The following FRMD1 variants were observed in gnomAD, a reference collection of about 807,000 sequenced individuals.
FRMD1 encodes the protein FERM domain-containing protein 1.
A neutral mutation model predicts 54.9 loss-of-function variants in FRMD1; 51 were observed. That is an observed-to-expected ratio of 0.93 (90% CI 0.74 to 1.17). The LOEUF (loss-of-function observed/expected upper bound fraction) is 1.17. Among genes scored for constraint, FRMD1 ranks in the 50% most tolerant of loss-of-function variants. The pLI is 0.00. For synonymous variants in FRMD1, 324 were observed against 306.4 expected, an observed-to-expected ratio of 1.06 and a Z score of -0.60; for missense variants, 729 against 743.0, an observed-to-expected ratio of 0.98 and a Z score of 0.22.
rs757340818 is a variant in FRMD1 at position 168,059,157 on chromosome 6, C to T, written c.1374G>A (p.Arg458=). 29 of 1,587,102 alleles carry T rather than the reference C, an allele frequency of 1.8e-5. 2 individuals are homozygous for T. In the South Asian group the frequency reaches 3.2e-4, roughly 18 times the overall value. ...CGGCCTCGGCGCTCTGGCCTCTGGT[C>T]CTGACCTGGGTGCAGGGCTCCTGAC... ...ATRQEPCTQV[R]TRGQSAEAVH... The change falls in exon 10 of 11, where the codon AGG becomes AGA. Residue 458 remains arginine (R), a synonymous_variant. Transcript: ENST00000283309. The surrounding 1 kb of genome is among the most constrained non-coding windows in gnomAD (Gnocchi z 4.4).
rs6922904 is a variant in FRMD1 at position 168,054,424 on chromosome 6, T to G, written c.*2673A>C. 0.88 allele frequency: 133,095 copies of G among 151,938 alleles called. 58,341 individuals are homozygous for G. The highest frequency in any genetic ancestry group is 0.9 in the Non-Finnish European group (61,635 of 68,106). The allele number at this position is 151,938 out of a possible 1,614,324, so 9.4% of individuals were successfully genotyped here. A position where few individuals can be genotyped will look rare whatever the true frequency, so the allele number is the denominator to read the frequency against. On this transcript the variant is annotated 3_prime_UTR_variant, in exon 11 of 11. Transcript: ENST00000283309. ...GGTCCACAGGGACTGGGACAGGTGGTTTTCTTTTCCTCTCCACTGACAGGG... is the reference window on the plus strand; with the variant it reads ...GGTCCACAGGGACTGGGACAGGTGGGTTTCTTTTCCTCTCCACTGACAGGG...
At chr6:168,063,102 C>T in intron 6 of FRMD1, 143 bp from the exon 7 acceptor site, 1 of 707,162 alleles carries the variant, frequency 1.4e-6, no homozygotes, top group Non-Finnish European at 2.6e-6. Context: ...CAGTCTCATT[C>T]ACTCCAGCAT....
chr6:168,081,302 GAGAAGGC>G (rs958398796), upstream of FRMD1: 7 of 1,460,264 alleles, frequency 4.8e-6, no homozygotes, highest in African/African-American at 1.4e-5. Flanking sequence ...TTTGCACCCT[GAGAAGGC>G]AGAGGCGTGA....
intron 2 of FRMD1, among the ~76,000 whole-genome samples, chr6:168,070,088 G>T (rs1322337074): frequency 6.6e-6 from 1 of 152,090 alleles, no homozygotes; most frequent in African/African-American, 2.4e-5. Flanking sequence ...TCTGGCTGTG[G>T]TGGTATGCAT....
At chr6:168,078,391 G>C (rs769868124) in intron 1 of FRMD1, among the ~76,000 whole-genome samples, 3 of 152,136 alleles carry the variant, frequency 2.0e-5, no homozygotes, top group Non-Finnish European at 2.9e-5. Flanking sequence ...ACGTCTATCA[G>C]GGATGTTTCC....
At chr6:168,063,477 T>G (rs948376187) in intron 6 of FRMD1, 124 bp downstream of exon 6, 88 of 1,194,810 alleles carry the variant, frequency 7.4e-5, no homozygotes, top group Non-Finnish European at 9.5e-5. Flanking sequence ...CTGGTCCCAC[T>G]CTTAGCCATG....
chr6:168,064,947 T>C lies in FRMD1; in HGVS notation c.572A>G (p.Gln191Arg). 1 of 1,611,488 alleles carries C rather than the reference T, an allele frequency of 6.2e-7. No individual in the cohort carries two copies. The highest frequency in any genetic ancestry group is 8.5e-7 in the Non-Finnish European group (1 of 1,179,520). The change falls in exon 5 of 11, where the codon CAG becomes CGG. Residue 191 changes from glutamine (Q) to arginine (R), a missense_variant. Transcript: ENST00000283309. ...CTCCCGGTGCTCGCCCAGGTCAGCC[T>C]GCAGCGCGCAGGCAGCCAGCAGGAA... ...AYFLLAACAL[Q>R]ADLGEHRESA...
chr6:168,059,207 G>T lies in FRMD1; in HGVS notation c.1343-19C>A, dbSNP rs550778293. 1.9e-6 allele frequency: 3 copies of T among 1,565,404 alleles called. No homozygotes were observed. The highest frequency in any genetic ancestry group is 1.7e-6 in the Non-Finnish European group (2 of 1,157,924). ...CGAGTGGCTGTGGGAGGAGGCAGCC[G>T]TGAGCACAGGTGTCTGGGTTCTGCC... On this transcript the variant is annotated intron_variant, in intron 9 of 10. Coordinates refer to ENST00000283309, the MANE Select transcript of FRMD1 (RefSeq NM_024919.6). The surrounding 1 kb of genome is among the most constrained non-coding windows in gnomAD (Gnocchi z 4.4).
At chr6:168,065,297 C>T in intron 4 of FRMD1, 1 of 1,304,044 alleles carries the variant, frequency 7.7e-7, no homozygotes, top group South Asian at 2.3e-5. Flanking sequence ...AGATGAGGCT[C>T]CACCTGCCGA....
chr6:168,067,761 T>C (rs1039694839), intron 2 of FRMD1, among the ~76,000 whole-genome samples: 5 of 152,228 alleles, frequency 3.3e-5, no homozygotes, highest in Admixed American at 1.3e-4. Flanking sequence ...CCCTACCCTC[T>C]TCCTCTGCAA....
Position 168,088,262 on chromosome 6 carries a change from C to T in FRMD1, c.-11-9238G>A, listed in dbSNP as rs115665412. Among the ~76,000 whole-genome samples, 783 of 152,338 alleles carry T rather than the reference C, an allele frequency of 5.1e-3. 4 individuals carry two copies. Among genetic ancestry groups the T allele is most frequent in the African/African-American group, 0.017 (722 of 41,574 alleles). ...AAGACTGCAGCCACCACCCTCCCGC[C>T]GTCACCTGCCCCTGCTGGGAGGCAG... On this transcript the variant is annotated intron_variant, in intron 1 of 12. Coordinates refer to the FRMD1 transcript ENST00000644440.
intron 2 of FRMD1, among the ~76,000 whole-genome samples, chr6:168,068,658 CG>C (rs1436666639): frequency 6.6e-5 from 10 of 152,246 alleles, no homozygotes; most frequent in Non-Finnish European, 1.0e-4. Flanking sequence ...ATGCGGAACC[CG>C]TGGATACAGA....
At chr6:168,075,701 T>A in intron 1 of FRMD1, 1 of 1,474,534 alleles carries the variant, frequency 6.8e-7, no homozygotes, top group East Asian at 2.5e-5. Flanking sequence ...CACAAATGAA[T>A]GCTTGGTTCC....
intron 1 of FRMD1, among the ~76,000 whole-genome samples, chr6:168,091,777 G>A (rs889243163): frequency 2.6e-5 from 4 of 152,334 alleles, no homozygotes; most frequent in Admixed American, 1.3e-4. Flanking sequence ...GCTACTCCGC[G>A]GAAGCGAAAC....
At chr6:168,081,653 G>T, upstream of FRMD1, 1 of 743,890 alleles carries the variant, frequency 1.3e-6, no homozygotes, top group Non-Finnish European at 2.0e-6. Flanking sequence ...CTGTTCCGTG[G>T]TGAGAAGGAA....
intron 1 of FRMD1, among the ~76,000 whole-genome samples, chr6:168,087,836 A>G (rs1287286307): frequency 6.6e-6 from 1 of 151,172 alleles, no homozygotes; most frequent in Non-Finnish European, 1.5e-5. Flanking sequence ...TGACCTCACC[A>G]CCCGTCTGGG....
chr6:168,084,942 G>A (rs760343434), upstream of FRMD1, among the ~76,000 whole-genome samples: 1 of 152,140 alleles, frequency 6.6e-6, no homozygotes, highest in African/African-American at 2.4e-5. Context: ...CTGCAGCAGC[G>A]GAGTGGGCTG....
chr6:168,073,958 C>G (rs1030966493), intron 2 of FRMD1, among the ~76,000 whole-genome samples: 2 of 152,092 alleles, frequency 1.3e-5, no homozygotes, highest in Admixed American at 1.3e-4. Flanking sequence ...CACCGCTGGT[C>G]AGCACTGAGC....
chr6:168,061,654 C>A (rs1235802398), intron 8 of FRMD1, among the ~76,000 whole-genome samples, 153 bp downstream of exon 8: 1 of 152,234 alleles, frequency 6.6e-6, no homozygotes, highest in Non-Finnish European at 1.5e-5. Flanking sequence ...GCCACCACTT[C>A]GCCCTTCGAC....
Sources: allele counts gnomAD v4.1 joint callset (sites outside exome capture counted in the v4.1 genomes callset), GRCh38; gene constraint gnomAD v4.1.1; non-coding constraint Gnocchi (gnomAD v3.1); transcripts MANE v1.5; gene names NCBI Gene and HGNC (gene_info 2026-07-23, HGNC 2026-07-21).